The following NPAS3 variants were observed in gnomAD, a reference collection of about 807,000 sequenced individuals.
The protein encoded by NPAS3 is neuronal PAS domain protein 3.
Under a neutral mutation model 73.1 loss-of-function variants are expected in NPAS3, and 14 were observed. That is an observed-to-expected ratio of 0.19 (90% CI 0.13 to 0.30). NPAS3 has a LOEUF of 0.30. Ranked by LOEUF, NPAS3 falls within the 10% of genes least tolerant of loss-of-function variation. The pLI is 1.00. For synonymous variants in NPAS3, 620 were observed against 541.5 expected, an observed-to-expected ratio of 1.14 and a Z score of -2.01; for missense variants, 1,096 against 1,250.0, an observed-to-expected ratio of 0.88 and a Z score of 1.86.
chr14:33,601,280 T>C (rs2057391367), intron 5 of NPAS3, among the ~76,000 whole-genome samples: 1 of 152,206 alleles, frequency 6.6e-6, no homozygotes, highest in South Asian at 2.1e-4. Context: ...TTCAAAGTAT[T>C]TTCTCACATC....
intron 2 of NPAS3, among the ~76,000 whole-genome samples, chr14:33,208,879 G>A (rs2046927481): frequency 6.6e-6 from 1 of 152,134 alleles, no homozygotes; most frequent in African/African-American, 2.4e-5. Context: ...CATCTTTACT[G>A]ACGTGTTTCT....
intron 1 of NPAS3, among the ~76,000 whole-genome samples, chr14:32,955,909 T>C (rs1168200631): frequency 1.3e-5 from 2 of 152,128 alleles, no homozygotes; most frequent in East Asian, 1.9e-4. Context: ...TAGTGTATTT[T>C]GGGTTTCAAA....
At chr14:33,041,130 A>G (rs180862010) in intron 1 of NPAS3, among the ~76,000 whole-genome samples, 2 of 152,188 alleles carry the variant, frequency 1.3e-5, no homozygotes, top group Non-Finnish European at 1.5e-5. Context: ...AATTAGCTAT[A>G]ATAGACTCCA....
intron 9 of NPAS3, among the ~76,000 whole-genome samples, chr14:33,781,587 G>C (rs561470693): frequency 6.6e-6 from 1 of 152,322 alleles, no homozygotes; most frequent in East Asian, 1.9e-4. Flanking sequence ...TCAAGAATAA[G>C]ATAGAATTCT....
chr14:33,342,729 TAA>T (rs1365269445), intron 3 of NPAS3, among the ~76,000 whole-genome samples: 3 of 152,198 alleles, frequency 2.0e-5, no homozygotes, highest in Admixed American at 1.3e-4. Flanking sequence ...ATAGTTTTTA[TAA>T]AGTTTATTGC....
At chr14:33,727,885 C>T (rs1457178625) in intron 6 of NPAS3, among the ~76,000 whole-genome samples, 4 of 152,280 alleles carry the variant, frequency 2.6e-5, no homozygotes. Context: ...TTAAAACACT[C>T]ACTTGCAGTA....
chr14:33,308,575 G>A (rs2042873626), intron 3 of NPAS3, among the ~76,000 whole-genome samples: 116 of 133,754 alleles, frequency 8.7e-4, no homozygotes, highest in East Asian at 2.0e-3. Flanking sequence ...TTATATATAT[G>A]TATATCTATA....
chr14:33,448,482 C>T (rs2049626136), intron 4 of NPAS3, among the ~76,000 whole-genome samples: 2 of 152,096 alleles, frequency 1.3e-5, no homozygotes, highest in East Asian at 1.9e-4. Context: ...GTGCTGAGGG[C>T]CCATCTAGGT....
chr14:33,134,807 T>A (rs2224991), intron 2 of NPAS3, among the ~76,000 whole-genome samples: 144,542 of 152,140 alleles, frequency 0.95, 68,776 homozygotes, highest in Non-Finnish European at 0.98. Flanking sequence ...GTTAGATCTT[T>A]ATATGGATAA....
chr14:33,332,321 A>G (rs1200480093), intron 3 of NPAS3, among the ~76,000 whole-genome samples: 2 of 152,198 alleles, frequency 1.3e-5, no homozygotes, highest in Non-Finnish European at 2.9e-5. Context: ...ATATGGCCGT[A>G]TTTCTAAAAA....
intron 4 of NPAS3, among the ~76,000 whole-genome samples, chr14:33,426,870 T>C (rs1346054919): frequency 6.6e-6 from 1 of 152,066 alleles, no homozygotes; most frequent in African/African-American, 2.4e-5. Flanking sequence ...ACATTTGCAG[T>C]GAATTGTGGC....
At chr14:33,172,201 G>A (rs928615953) in intron 2 of NPAS3, among the ~76,000 whole-genome samples, 9 of 152,164 alleles carry the variant, frequency 5.9e-5, no homozygotes, top group African/African-American at 1.2e-4. Context: ...GTGAGCACAC[G>A]CTGTTGGAAA....
intron 4 of NPAS3, among the ~76,000 whole-genome samples, chr14:33,480,528 C>G: frequency 9.7e-6 from 1 of 103,312 alleles, no homozygotes; most frequent in Non-Finnish European, 1.9e-5. Flanking sequence ...CCACTCTCCC[C>G]CTCCCCGCCC....
intron 7 of NPAS3, among the ~76,000 whole-genome samples, chr14:33,754,295 G>A (rs1050369730): frequency 4.6e-5 from 7 of 152,134 alleles, no homozygotes; most frequent in Admixed American, 2.6e-4. Context: ...ATTGGAATCC[G>A]GGGTATCAAA....
intron 4 of NPAS3, among the ~76,000 whole-genome samples, chr14:33,494,228 C>G (rs1256294707): frequency 6.6e-6 from 1 of 152,054 alleles, no homozygotes; most frequent in Non-Finnish European, 1.5e-5. Flanking sequence ...ACTAGGAGAA[C>G]AAACACTTCC....
chr14:33,765,129 G>C (rs1276844759), intron 7 of NPAS3, among the ~76,000 whole-genome samples: 1 of 152,130 alleles, frequency 6.6e-6, no homozygotes, highest in Middle Eastern at 3.2e-3. Flanking sequence ...TGTAATTATA[G>C]TTATATTTTT....
chr14:33,561,912 T>G (rs1032831303), intron 5 of NPAS3, among the ~76,000 whole-genome samples: 7 of 152,238 alleles, frequency 4.6e-5, no homozygotes, highest in Admixed American at 1.3e-4. Flanking sequence ...GCAACTGCAT[T>G]TTCTGTAATT....
intron 4 of NPAS3, among the ~76,000 whole-genome samples, chr14:33,456,741 C>G (rs1320848019): frequency 6.6e-6 from 1 of 152,112 alleles, no homozygotes; most frequent in Non-Finnish European, 1.5e-5. Context: ...CTACTGATCT[C>G]TGTGTGGAAG....
intron 1 of NPAS3, among the ~76,000 whole-genome samples, chr14:32,966,926 G>A (rs899060329): frequency 5.3e-5 from 8 of 151,958 alleles, no homozygotes; most frequent in African/African-American, 1.9e-4. Flanking sequence ...TAGACAAATG[G>A]GATTACATTA....
Sources: allele counts gnomAD v4.1 joint callset (sites outside exome capture counted in the v4.1 genomes callset), GRCh38; gene constraint gnomAD v4.1.1; transcripts MANE v1.5; gene names NCBI Gene and HGNC (gene_info 2026-07-23, HGNC 2026-07-21).